ACOXL: variants seen among roughly 807,000 people sequenced by gnomAD.
ACOXL encodes acyl-CoA oxidase like, also known as acyl-coenzyme A oxidase-like protein.
ACOXL carries 70 observed loss-of-function variants against 71.9 expected under a neutral mutation model. The observed-to-expected ratio is 0.97, with a 90% CI of 0.80 to 1.19. The LOEUF (loss-of-function observed/expected upper bound fraction) is 1.19. ACOXL is among the 50% of genes most tolerant of loss of function. ACOXL has a pLI of 0.00. For synonymous variants in ACOXL, 253 were observed against 281.6 expected, an observed-to-expected ratio of 0.90 and a Z score of 1.02; for missense variants, 703 against 736.3, an observed-to-expected ratio of 0.95 and a Z score of 0.52.
In ACOXL at chr2:111,052,119, A is replaced by G. The variant is rs558833680; in HGVS notation, c.1440+2831A>G. Reference sequence around the variant, plus strand: ...AAAACATTGAGATTTTGAAGATGGCATAAGCCAGAACATTCATCTGACAAC... The same window carrying G: ...AAAACATTGAGATTTTGAAGATGGCGTAAGCCAGAACATTCATCTGACAAC... On this transcript the variant is annotated intron_variant, in intron 16 of 17. Coordinates refer to ENST00000439055, the MANE Select transcript of ACOXL (RefSeq NM_001142807.4). 5.3e-5 allele frequency among the ~76,000 whole-genome samples: 8 copies of G among 152,352 alleles called. No homozygotes were observed. The South Asian group carries it at 1.4e-3, about 28-fold the overall frequency.
intron 6 of ACOXL, 34 bp from the exon 7 acceptor site, chr2:110,798,980 G>A: frequency 6.3e-7 from 1 of 1,597,264 alleles, no homozygotes; most frequent in Non-Finnish European, 8.6e-7. Flanking sequence ...CTATAGGAAG[G>A]AGAGCTTAAT....
At chr2:110,733,204 G>A (rs1392382513) in intron 1 of ACOXL, 1 of 152,564 alleles carries the variant, frequency 6.6e-6, no homozygotes, top group Non-Finnish European at 1.5e-5. Context: ...GGCGCACAGG[G>A]ATGGAGTGGC....
intron 9 of ACOXL, among the ~76,000 whole-genome samples, chr2:110,813,862 C>CTG (rs1687621349): frequency 1.3e-5 from 2 of 152,208 alleles, no homozygotes; most frequent in African/African-American, 4.8e-5. Flanking sequence ...CAGAGCAACC[C>CTG]TGTGAGCTGA....
intron 16 of ACOXL, among the ~76,000 whole-genome samples, chr2:111,050,881 A>T (rs2066257289): frequency 6.6e-6 from 1 of 151,914 alleles, no homozygotes; most frequent in Non-Finnish European, 1.5e-5. Context: ...TCCTCCTCTC[A>T]CCATTTCACC....
intron 10 of ACOXL, among the ~76,000 whole-genome samples, chr2:110,858,099 C>G (rs1199626313): frequency 6.6e-6 from 1 of 152,114 alleles, no homozygotes; most frequent in Non-Finnish European, 1.5e-5. Flanking sequence ...TATCGAGTAC[C>G]TGCTATCTGC....
intron 11 of ACOXL, among the ~76,000 whole-genome samples, chr2:110,926,877 C>T (rs538080526): frequency 6.6e-6 from 1 of 152,196 alleles, no homozygotes; most frequent in Non-Finnish European, 1.5e-5. Context: ...CAGCGCCCTA[C>T]CTGAAATGAA....
intron 12 of ACOXL, among the ~76,000 whole-genome samples, chr2:110,948,274 G>T (rs1309828628): frequency 1.3e-5 from 2 of 152,182 alleles, no homozygotes; most frequent in Non-Finnish European, 2.9e-5. Flanking sequence ...TAATCCATCC[G>T]GGCAGCGACT....
intron 10 of ACOXL, among the ~76,000 whole-genome samples, chr2:110,855,479 G>T (rs185625402): frequency 1.1e-4 from 17 of 152,286 alleles, no homozygotes; most frequent in African/African-American, 3.9e-4. Flanking sequence ...GATACGATTT[G>T]AGAAAATGCA....
At chr2:111,050,269 A>G (rs2066227325) in intron 16 of ACOXL, among the ~76,000 whole-genome samples, 1 of 152,190 alleles carries the variant, frequency 6.6e-6, no homozygotes, top group South Asian at 2.1e-4. Flanking sequence ...CTTTAAAAAA[A>G]AAAAAGCTTT....
intron 2 of ACOXL, among the ~76,000 whole-genome samples, chr2:110,778,049 G>A (rs1269848335): frequency 6.6e-6 from 1 of 152,224 alleles, no homozygotes; most frequent in Non-Finnish European, 1.5e-5. Context: ...GGCAGGGTTA[G>A]CATTCATGTT....
At chr2:110,735,060 A>G (rs890202971) in intron 1 of ACOXL, among the ~76,000 whole-genome samples, 1 of 152,168 alleles carries the variant, frequency 6.6e-6, no homozygotes, top group Non-Finnish European at 1.5e-5. Flanking sequence ...CCTGACAAAC[A>G]CTTTTCCATT....
chr2:110,987,562 A>G (rs1243257672), intron 13 of ACOXL, among the ~76,000 whole-genome samples: 1 of 152,198 alleles, frequency 6.6e-6, no homozygotes, highest in Non-Finnish European at 1.5e-5. Flanking sequence ...TCAAGGTTAC[A>G]TGGCTAGTGA....
chr2:110,814,819 A>G (rs554517459), intron 9 of ACOXL, among the ~76,000 whole-genome samples: 4 of 152,326 alleles, frequency 2.6e-5, no homozygotes, highest in South Asian at 4.1e-4. Context: ...CTTATACTCT[A>G]TAAATTACTC....
chr2:110,840,623 G>C (rs1430108568), intron 9 of ACOXL, among the ~76,000 whole-genome samples: 2 of 152,118 alleles, frequency 1.3e-5, no homozygotes, highest in African/African-American at 4.8e-5. Flanking sequence ...CTGTGAACTA[G>C]CCAGGGCCCC....
Position 110,933,582 on chromosome 2 carries a change from C to T in ACOXL, c.999C>T (p.Ala333=). The T allele has an allele frequency of 6.2e-7, 1 of 1,613,958 alleles. No individual in the cohort carries two copies. The highest frequency in any genetic ancestry group is 8.5e-7 in the Non-Finnish European group (1 of 1,180,002). ...AGGCTCTGGTGGCGGGGCTGAAGGCCTACAGCACCTGGGAGAACATCCGCT... is the reference window on the plus strand; with the variant it reads ...AGGCTCTGGTGGCGGGGCTGAAGGCTTACAGCACCTGGGAGAACATCCGCT... ...SLQALVAGLK[A]YSTWENIRCL... is the part of the protein sequence containing the mutation. Residue 333 remains alanine, a synonymous_variant, in exon 12 of 18, where the codon GCC becomes GCT. Coordinates refer to ENST00000439055, the MANE Select transcript of ACOXL (RefSeq NM_001142807.4).
chr2:111,076,858 G>T (rs2067626493), intron 16 of ACOXL, among the ~76,000 whole-genome samples: 1 of 152,082 alleles, frequency 6.6e-6, no homozygotes, highest in Admixed American at 6.5e-5. Context: ...CTTCTTTCAG[G>T]CTCTGGTTGC....
At chr2:110,805,197 C>G in intron 8 of ACOXL, 66 bp from the exon 9 acceptor site, 1 of 1,596,894 alleles carries the variant, frequency 6.3e-7, no homozygotes, top group Admixed American at 1.7e-5. Flanking sequence ...ATGGGAGCCA[C>G]CTGACTTCGT....
intron 14 of ACOXL, among the ~76,000 whole-genome samples, chr2:111,018,428 C>T (rs2064569198): frequency 6.6e-6 from 1 of 152,202 alleles, no homozygotes; most frequent in South Asian, 2.1e-4. Context: ...CAAGTTCAGC[C>T]TGGGCGTGAA....
intron 16 of ACOXL, among the ~76,000 whole-genome samples, chr2:111,073,613 C>G (rs1260455825): frequency 6.6e-6 from 1 of 152,046 alleles, no homozygotes; most frequent in Non-Finnish European, 1.5e-5. Flanking sequence ...ATTTTGTTCC[C>G]ATTGACCTAC....
Sources: allele counts gnomAD v4.1 joint callset (sites outside exome capture counted in the v4.1 genomes callset), GRCh38; gene constraint gnomAD v4.1.1; transcripts MANE v1.5; gene names NCBI Gene and HGNC (gene_info 2026-07-23, HGNC 2026-07-21).